Variants in PSME3IP1 observed in about 807,000 individuals in gnomAD.
The protein encoded by PSME3IP1 is PSME3-interacting protein.
PSME3IP1 carries 13 observed loss-of-function variants against 34.1 expected under a neutral mutation model. The ratio of observed to expected loss-of-function variants is 0.38; its 90% CI spans 0.25 to 0.61. PSME3IP1 has a LOEUF of 0.61. Among genes scored for constraint, PSME3IP1 ranks in the 20% least tolerant of loss-of-function variants. PSME3IP1 has a pLI of 0.60. For synonymous variants in PSME3IP1, 93 were observed against 114.3 expected, an observed-to-expected ratio of 0.81 and a Z score of 1.19; for missense variants, 237 against 301.4, an observed-to-expected ratio of 0.79 and a Z score of 1.58.
intron 4 of PSME3IP1, among the ~76,000 whole-genome samples, chr16:57,168,718 G>T (rs1292118176): frequency 2.7e-5 from 4 of 145,456 alleles, no homozygotes; most frequent in African/African-American, 1.0e-4. Context: ...CAGGAGAATC[G>T]CTTGAACCCG....
chr16:57,180,183 T>C (rs2073566858), intron 1 of PSME3IP1, among the ~76,000 whole-genome samples: 1 of 152,220 alleles, frequency 6.6e-6, no homozygotes, highest in Non-Finnish European at 1.5e-5. Flanking sequence ...AATCCATATT[T>C]TAAATGTTTA....
intron 1 of PSME3IP1, 163 bp from the exon 2 acceptor site, chr16:57,174,032 A>G: frequency 1.5e-6 from 1 of 666,382 alleles, no homozygotes; most frequent in East Asian, 3.2e-5. Context: ...GCGGTGGCTC[A>G]TGCCTGTAAT....
intron 6 of PSME3IP1, among the ~76,000 whole-genome samples, chr16:57,158,659 T>G (rs1184306442): frequency 6.6e-6 from 1 of 152,166 alleles, no homozygotes; most frequent in East Asian, 1.9e-4. Flanking sequence ...GAAAACTAAT[T>G]TATGTGAAAT....
chr16:57,161,453 T>C (rs1323094330), intron 6 of PSME3IP1, among the ~76,000 whole-genome samples: 2 of 151,804 alleles, frequency 1.3e-5, no homozygotes, highest in South Asian at 2.1e-4. Flanking sequence ...CTCAATACTT[T>C]TTTAAAAAAA....
intron 1 of PSME3IP1, among the ~76,000 whole-genome samples, chr16:57,176,318 T>C (rs1323347767): frequency 6.6e-6 from 1 of 152,218 alleles, no homozygotes; most frequent in African/African-American, 2.4e-5. Context: ...ATCTGGTTTC[T>C]TTCCATCACC....
intron 4 of PSME3IP1, among the ~76,000 whole-genome samples, chr16:57,171,784 T>A (rs1386540542): frequency 6.6e-6 from 1 of 152,206 alleles, no homozygotes; most frequent in Non-Finnish European, 1.5e-5. Flanking sequence ...TATGAAGACA[T>A]TCAAGTGGAT....
In PSME3IP1 at chr16:57,154,395, C is replaced by T. The variant is rs2070266390; in HGVS notation, c.660G>A (p.Gly220=). The T allele has an allele frequency of 1.2e-6, 2 of 1,613,918 alleles. No individual in the cohort carries two copies. The highest frequency in any genetic ancestry group is 1.7e-6 in the Non-Finnish European group (2 of 1,180,012). ...GILPGLGAYS[G]SSDSESSSDS... ...CTGAGCTGGACTCGGAGTCGCTGCT[C>T]CCAGAGTAGGCACCCAGGCCTGGGA... Residue 220 remains glycine, a synonymous_variant, in exon 7 of 7, where the codon GGG becomes GGA. Transcript: ENST00000309137. The surrounding 1 kb of genome is among the most constrained non-coding windows in gnomAD (Gnocchi z 4.0).
At position 57,154,377 on chromosome 16, in the gene PSME3IP1, G is replaced by A. The variant is rs375211879; in HGVS notation, c.678C>T (p.Ser226=). 9.0e-5 allele frequency: 146 copies of A among 1,614,102 alleles called. No homozygotes were observed. The highest frequency in any genetic ancestry group is 3.3e-4 in the Middle Eastern group (2 of 6,062). ...GAYSGSSDSE[S]SSDSEGTINA... is the part of the protein sequence containing the mutation. ...TGATGGTGCCTTCGCTGTCTGAGCT[G>A]GACTCGGAGTCGCTGCTCCCAGAGT... is the stretch of plus-strand genomic sequence containing the variant. The change falls in exon 7 of 7, where the codon TCC becomes TCT. Residue 226 remains serine, a synonymous_variant. Transcript: ENST00000309137. The surrounding 1 kb of genome is among the most constrained non-coding windows in gnomAD (Gnocchi z 4.0).
At position 57,178,518 on chromosome 16, in the gene PSME3IP1, G is replaced by A. The variant is rs117954922; in HGVS notation, c.-15-4649C>T. On this transcript the variant is annotated intron_variant, in intron 1 of 6. Transcript: ENST00000309137. The stretch of plus-strand genomic sequence containing the variant: ...AATACTTACTGAATAAACCAACCAC[G>A]AGGAGCTGAAGAATCTGAGCAGGGA... The A allele has an allele frequency of 6.1e-3, 5,989 of 983,322 alleles. 24 individuals carry two copies. Among genetic ancestry groups the A allele is most frequent in the Non-Finnish European group, 6.9e-3 (5,689 of 828,022 alleles). 60.9% of individuals were successfully genotyped at this position (983,322 alleles called of 1,614,324 possible). A position where few individuals can be genotyped will look rare whatever the true frequency, so the allele number is the denominator to read the frequency against.
chr16:57,165,588 G>C (rs2071773388), intron 5 of PSME3IP1, among the ~76,000 whole-genome samples: 1 of 152,112 alleles, frequency 6.6e-6, no homozygotes, highest in Non-Finnish European at 1.5e-5. Context: ...ATCACTCATG[G>C]AACTTTGAAA....
At chr16:57,163,164 CA>C (rs201643897) in intron 6 of PSME3IP1, among the ~76,000 whole-genome samples, 1 of 148,492 alleles carries the variant, frequency 6.7e-6, no homozygotes, top group African/African-American at 2.5e-5. Context: ...GACTCCATCT[CA>C]AAAAAAAGAA....
At chr16:57,166,054 A>G (rs2071834928) in intron 5 of PSME3IP1, among the ~76,000 whole-genome samples, 1 of 152,252 alleles carries the variant, frequency 6.6e-6, no homozygotes, top group Admixed American at 6.5e-5. Context: ...AGCCCTTCTC[A>G]GGATAACTCC....
chr16:57,172,939 A>G, intron 2 of PSME3IP1, 65 bp from the exon 3 acceptor site: 2 of 1,077,660 alleles, frequency 1.9e-6, no homozygotes, highest in Non-Finnish European at 2.9e-6. Flanking sequence ...GATTGTTTTC[A>G]TATTATTTTG....
In PSME3IP1 at chr16:57,172,234, C is replaced by T. The variant is rs772881844; in HGVS notation, c.348+17G>A. Reference sequence around the variant, plus strand: ...AAATGGACACCTTACAGGTTTTCCTCCAAGTACAAAGGATATTCTGTATTC... The same window carrying T: ...AAATGGACACCTTACAGGTTTTCCTTCAAGTACAAAGGATATTCTGTATTC... On this transcript the variant is annotated intron_variant, in intron 4 of 6. Coordinates refer to ENST00000309137, the MANE Select transcript of PSME3IP1 (RefSeq NM_024946.4). The T allele has an allele frequency of 4.8e-5, 78 of 1,611,562 alleles. No individual in the cohort carries two copies. Among genetic ancestry groups the T allele is most frequent in the Non-Finnish European group, 6.1e-5 (72 of 1,179,750 alleles).
chr16:57,167,391 G>A (rs1387749428), intron 4 of PSME3IP1, 165 bp from the exon 5 acceptor site: 3 of 798,272 alleles, frequency 3.8e-6, no homozygotes, highest in Non-Finnish European at 4.1e-6. Flanking sequence ...ATAAATGAAA[G>A]AGACCATGGA....
chr16:57,177,172 A>T (rs1038151641), intron 1 of PSME3IP1, among the ~76,000 whole-genome samples: 9 of 151,980 alleles, frequency 5.9e-5, no homozygotes, highest in African/African-American at 2.2e-4. Flanking sequence ...TTAAAAGAGA[A>T]AATTTAAAAA....
At chr16:57,178,579 C>G in intron 1 of PSME3IP1, 1 of 985,310 alleles carries the variant, frequency 1.0e-6, no homozygotes, top group Non-Finnish European at 1.2e-6. Context: ...AGGTACTGTG[C>G]AATGTAAGTT....
chr16:57,165,452 A>G (rs2071754229), intron 5 of PSME3IP1, among the ~76,000 whole-genome samples: 1 of 152,206 alleles, frequency 6.6e-6, no homozygotes, highest in South Asian at 2.1e-4. Flanking sequence ...ACAATAAATA[A>G]AAGAATAAAC....
chr16:57,160,992 C>T (rs1339905054), intron 6 of PSME3IP1, among the ~76,000 whole-genome samples: 10 of 152,022 alleles, frequency 6.6e-5, no homozygotes, highest in Admixed American at 5.9e-4. Flanking sequence ...AAATAAAATA[C>T]AAAGAAAACA....
Sources: allele counts gnomAD v4.1 joint callset (sites outside exome capture counted in the v4.1 genomes callset), GRCh38; gene constraint gnomAD v4.1.1; non-coding constraint Gnocchi (gnomAD v3.1); transcripts MANE v1.5; gene names NCBI Gene and HGNC (gene_info 2026-07-23, HGNC 2026-07-21).